The following CDK19 variants were observed in gnomAD, a reference collection of about 807,000 sequenced individuals.
The protein encoded by CDK19 is cyclin dependent kinase 19, also known as cyclin-dependent kinase 19.
Under a neutral mutation model 68.3 loss-of-function variants are expected in CDK19, and 20 were observed. That is an observed-to-expected ratio of 0.29 (90% CI 0.21 to 0.43). The LOEUF (loss-of-function observed/expected upper bound fraction) is 0.43. CDK19 is among the 20% of genes least tolerant of loss of function. CDK19 has a pLI of 1.00. For missense variants in CDK19, 339 were observed against 623.5 expected (o/e 0.54, Z 4.86); for synonymous variants, 221 against 222.8 (o/e 0.99, Z 0.07).
intron 4 of CDK19, among the ~76,000 whole-genome samples, chr6:110,655,233 G>A (rs1490853214): frequency 6.6e-6 from 1 of 151,828 alleles, no homozygotes; most frequent in Non-Finnish European, 1.5e-5. Context: ...GGGCATGGTG[G>A]CACGCACCTG....
At chr6:110,664,377 TCATGTAGCTACAATC>T (rs1781793040) in intron 4 of CDK19, among the ~76,000 whole-genome samples, 2 of 152,196 alleles carry the variant, frequency 1.3e-5, no homozygotes, top group South Asian at 4.1e-4. Flanking sequence ...TCTGTACTTC[TCATGTAGCTACAATC>T]ACATTCTCTC....
Position 110,675,875 on chromosome 6 carries a change from T to C in CDK19, c.205-5334A>G, listed in dbSNP as rs1022560187. Among the ~76,000 whole-genome samples the C allele has an allele frequency of 3.3e-5, 5 of 152,226 alleles. No individual in the cohort carries two copies. In the East Asian group the frequency reaches 7.7e-4, roughly 23 times the overall value. On this transcript the variant is annotated intron_variant, in intron 2 of 12. Transcript: ENST00000368911. ...CAAGGAGATTAATGCTGCTTTCCTGTTTGCTAACACAACATCCATTCTGCA... is the reference window on the plus strand; with the variant it reads ...CAAGGAGATTAATGCTGCTTTCCTGCTTGCTAACACAACATCCATTCTGCA...
intron 1 of CDK19, among the ~76,000 whole-genome samples, chr6:110,754,282 C>T (rs1442920531): frequency 2.0e-5 from 3 of 152,114 alleles, no homozygotes; most frequent in African/African-American, 7.2e-5. Context: ...ATCCTCCCAT[C>T]TCCACCTCAC....
At position 110,614,533 on chromosome 6, in the gene CDK19, G is replaced by C; in HGVS notation, c.*2C>G. On this transcript the variant is annotated 3_prime_UTR_variant, in exon 13 of 13. Transcript: ENST00000368911. ...GGGCTGGCCTGGCCCAACGGGAGCT[G>C]GTCAGTACCGGTGGGCCTGGTGAGA... is the stretch of plus-strand genomic sequence containing the variant. 1 of 1,613,906 alleles carries C rather than the reference G, an allele frequency of 6.2e-7. No homozygotes were observed. The highest frequency in any genetic ancestry group is 8.5e-7 in the Non-Finnish European group (1 of 1,179,832).
chr6:110,729,908 T>A (rs1776622599), intron 2 of CDK19, among the ~76,000 whole-genome samples: 1 of 152,050 alleles, frequency 6.6e-6, no homozygotes. Context: ...CTGTACCCAA[T>A]TCAGTTTTAT....
At chr6:110,747,674 G>C (rs1778171741) in intron 1 of CDK19, among the ~76,000 whole-genome samples, 1 of 152,138 alleles carries the variant, frequency 6.6e-6, no homozygotes, top group African/African-American at 2.4e-5. Context: ...TTGATACTCT[G>C]AGAATACCTA....
chr6:110,779,057 A>T (rs1229299333), intron 1 of CDK19, among the ~76,000 whole-genome samples: 1 of 152,148 alleles, frequency 6.6e-6, no homozygotes, highest in East Asian at 1.9e-4. Context: ...GGTGAACCTA[A>T]ATCTAATATA....
intron 2 of CDK19, among the ~76,000 whole-genome samples, chr6:110,713,855 A>G (rs1438175888): frequency 6.6e-6 from 1 of 152,154 alleles, no homozygotes; most frequent in African/African-American, 2.4e-5. Flanking sequence ...AATCTCTACA[A>G]AAAATTTTAA....
chr6:110,795,661 C>T (rs1411553722), intron 1 of CDK19, among the ~76,000 whole-genome samples: 6 of 151,910 alleles, frequency 3.9e-5, no homozygotes, highest in Non-Finnish European at 5.9e-5. Flanking sequence ...ACTTATAAGA[C>T]GCTATTTTAA....
rs533234106 is a variant in CDK19, at chr6:110,694,277, C to T, written c.205-23736G>A. Reference sequence around the variant, plus strand: ...CCTAACACATAAGGCCTCACATAAGCTTAAAGTAAAGCAGTAGAAAAAGAT... The same window carrying T: ...CCTAACACATAAGGCCTCACATAAGTTTAAAGTAAAGCAGTAGAAAAAGAT... On this transcript the variant is annotated intron_variant, in intron 2 of 12. Coordinates refer to ENST00000368911, the MANE Select transcript of CDK19 (RefSeq NM_015076.5). 1.1e-3 allele frequency among the ~76,000 whole-genome samples: 173 copies of T among 152,140 alleles called. 1 individual carries two copies. Among genetic ancestry groups the T allele is most frequent in the African/African-American group, 4.0e-3 (167 of 41,524 alleles).
At chr6:110,789,969 T>C (rs1781480764) in intron 1 of CDK19, among the ~76,000 whole-genome samples, 1 of 152,228 alleles carries the variant, frequency 6.6e-6, no homozygotes, top group Non-Finnish European at 1.5e-5. Context: ...AGAGCAACTG[T>C]AGTTCTCATT....
chr6:110,623,988 G>T (rs1197565423), intron 8 of CDK19, among the ~76,000 whole-genome samples: 1 of 150,148 alleles, frequency 6.7e-6, no homozygotes, highest in Non-Finnish European at 1.5e-5. Flanking sequence ...ACTGAAAAAT[G>T]GGTACATTTT....
intron 1 of CDK19, among the ~76,000 whole-genome samples, chr6:110,753,173 G>A (rs1328518936): frequency 4.6e-5 from 7 of 151,802 alleles, no homozygotes; most frequent in South Asian, 4.2e-4. Flanking sequence ...CAAGCAATCC[G>A]CCCACCTTGG....
chr6:110,697,176 G>A (rs1362771197), intron 2 of CDK19, among the ~76,000 whole-genome samples: 1 of 151,876 alleles, frequency 6.6e-6, no homozygotes, highest in Non-Finnish European at 1.5e-5. Context: ...GTTACAGTGA[G>A]CTGAGATTGA....
intron 1 of CDK19, among the ~76,000 whole-genome samples, chr6:110,787,202 T>C (rs1418492780): frequency 6.6e-6 from 1 of 152,070 alleles, no homozygotes; most frequent in African/African-American, 2.4e-5. Flanking sequence ...GGTGAAACCC[T>C]GTCTCTACTA....
At chr6:110,693,283 G>T (rs1390906751) in intron 2 of CDK19, among the ~76,000 whole-genome samples, 2 of 152,220 alleles carry the variant, frequency 1.3e-5, no homozygotes, top group African/African-American at 2.4e-5. Flanking sequence ...AGAGGGAAAA[G>T]TCTGCCTCCA....
intron 2 of CDK19, among the ~76,000 whole-genome samples, chr6:110,698,758 C>T (rs1412791552): frequency 6.6e-6 from 1 of 152,120 alleles, no homozygotes. Flanking sequence ...AACCTAAGTG[C>T]TCATTAACCA....
At chr6:110,616,027 T>C (rs1778291947) in intron 12 of CDK19, among the ~76,000 whole-genome samples, 1 of 152,078 alleles carries the variant, frequency 6.6e-6, no homozygotes, top group African/African-American at 2.4e-5. Context: ...GCAGTAGTCA[T>C]TCCCTAGACC....
chr6:110,655,818 GTCTT>G (rs1027806683), intron 4 of CDK19, among the ~76,000 whole-genome samples: 52 of 152,102 alleles, frequency 3.4e-4, no homozygotes, highest in Admixed American at 2.0e-4. Flanking sequence ...TGTCTGAGTG[GTCTT>G]TCTTTAACAA....
Sources: gnomAD v4.1 joint callset for allele counts (sites outside exome capture counted in the v4.1 genomes callset) on GRCh38, gnomAD v4.1.1 for gene constraint, MANE v1.5 for transcripts, NCBI Gene and HGNC (gene_info 2026-07-23, HGNC 2026-07-21) for gene names.